Variants in NEXN observed in about 807,000 individuals in gnomAD.
The protein encoded by NEXN is nexilin F-actin binding protein.
NEXN carries 65 observed loss-of-function variants against 92.6 expected under a neutral mutation model. The observed-to-expected ratio is 0.70, with a 90% CI of 0.57 to 0.86. The LOEUF is 0.86. Among genes scored for constraint, NEXN ranks in the 40% least tolerant of loss-of-function variants. The pLI, the probability that NEXN is intolerant of heterozygous loss-of-function variation, is 0.00. For missense variants in NEXN, 778 were observed against 771.1 expected (o/e 1.01, Z -0.11); for synonymous variants, 254 against 242.5 (o/e 1.05, Z -0.44).
intron 1 of NEXN, among the ~76,000 whole-genome samples, chr1:77,897,440 C>A (rs1326245802): frequency 6.6e-6 from 1 of 152,164 alleles, no homozygotes; most frequent in East Asian, 1.9e-4. Context: ...GCAGAAAAGG[C>A]CTTTGACAAA....
At position 77,926,600 on chromosome 1, in the gene NEXN, T is replaced by C. The variant is rs1649864751; in HGVS notation, c.676T>C (p.Ser226Pro). Residue 226 changes from serine (S) to proline (P), a missense_variant, in exon 7 of 13, where the codon TCA becomes CCA. By Grantham distance (74) the Ser-to-Pro change is moderately conservative. Coordinates refer to ENST00000334785, the MANE Select transcript of NEXN (RefSeq NM_144573.4). The stretch of plus-strand genomic sequence containing the variant: ...ATCTCTCAAGGAAGCAAAGTGTCTT[T>C]CATTAGTTATGGTAAATTTTTGTTT... The part of the protein sequence containing the change: ...RPSLKEAKCL[S>P]LVMDDEIESE... 6.2e-7 allele frequency: 1 copy of C among 1,613,954 alleles called. No individual in the cohort carries two copies. Among genetic ancestry groups the C allele is most frequent in the Non-Finnish European group, 8.5e-7 (1 of 1,179,926 alleles).
In NEXN at chr1:77,911,739, TTA is replaced by T. The variant is rs34038877; in HGVS notation, c.-52-4295_-52-4294del. 0.041 allele frequency among the ~76,000 whole-genome samples: 6,042 copies of T among 148,286 alleles called. 687 individuals are homozygous for T. The East Asian group carries it at 0.49, about 12-fold the overall frequency. On this transcript the variant is annotated intron_variant, in intron 1 of 12. Coordinates refer to ENST00000334785, the MANE Select transcript of NEXN (RefSeq NM_144573.4). ...GGTCCTATCCCCAAGATAGCCTGTT[TTA>T]TATATATATATATATATATACACAT...
chr1:77,924,200 A>G (rs1412429977), intron 5 of NEXN: 1 of 172,934 alleles, frequency 5.8e-6, no homozygotes, highest in South Asian at 1.0e-4. Context: ...CATCTCTACT[A>G]AAAATACAGA....
At chr1:77,919,956 G>A (rs1487648276) in intron 5 of NEXN, among the ~76,000 whole-genome samples, 1 of 151,212 alleles carries the variant, frequency 6.6e-6, no homozygotes, top group African/African-American at 2.4e-5. Flanking sequence ...CTGGAGTGCA[G>A]TGGCAAAATC....
chr1:77,901,804 A>G (rs1374397957), intron 1 of NEXN, among the ~76,000 whole-genome samples: 1 of 152,134 alleles, frequency 6.6e-6, no homozygotes, highest in South Asian at 2.1e-4. Context: ...GTGTCTCACT[A>G]TGTTGCCCAA....
At position 77,890,117 on chromosome 1, in the gene NEXN, A is replaced by G. The variant is rs145494275; in HGVS notation, c.-53+1358A>G. 3.2e-4 allele frequency among the ~76,000 whole-genome samples: 49 copies of G among 152,282 alleles called. No individual in the cohort carries two copies. The East Asian group carries it at 9.1e-3, about 28-fold the overall frequency. ...GAAAGGTTTTTTGGGGGGAGGTATA[A>G]TTTGTATAAGTAAACTTTGATTAAC... On this transcript the variant is annotated intron_variant, in intron 1 of 12. Transcript: ENST00000334785.
rs780835869 is a variant in NEXN at position 77,926,648 on chromosome 1, C to G, written c.687+37C>G. The G allele has an allele frequency of 3.7e-6, 6 of 1,613,652 alleles. No homozygotes were observed. In the Admixed American group the frequency reaches 1.0e-4, roughly 27 times the overall value. On this transcript the variant is annotated intron_variant, in intron 7 of 12. Transcript: ENST00000334785. The stretch of plus-strand genomic sequence containing the variant: ...TTTGTTTGTTTTCTAAGAAACAAAT[C>G]AAGGCAGTTTAAGTTAGCAGCATTT...
rs549501538 is a variant in NEXN, at chr1:77,915,001, C to G, written c.-52-1054C>G. On this transcript the variant is annotated intron_variant, in intron 1 of 12. Transcript: ENST00000334785. ...AAGTAAATAGCTAGAAAATTATATA[C>G]CATGCAAACTGTAAACCTAAGAAAG... 1.7e-4 allele frequency among the ~76,000 whole-genome samples: 26 copies of G among 151,978 alleles called. No homozygotes were observed. The South Asian group carries it at 5.4e-3, about 32-fold the overall frequency.
intron 11 of NEXN, among the ~76,000 whole-genome samples, chr1:77,938,497 A>G (rs895513446): frequency 1.3e-5 from 2 of 151,894 alleles, no homozygotes; most frequent in Non-Finnish European, 2.9e-5. Context: ...AAAAATACAA[A>G]AATTAGCTGG....
chr1:77,900,337 A>G (rs901522452), intron 1 of NEXN, among the ~76,000 whole-genome samples: 2 of 152,168 alleles, frequency 1.3e-5, no homozygotes, highest in Non-Finnish European at 2.9e-5. Context: ...TTCCTTAACC[A>G]TACCATAGTC....
intron 5 of NEXN, among the ~76,000 whole-genome samples, chr1:77,923,003 C>CTTTT (rs753111389): frequency 2.1e-4 from 24 of 112,342 alleles, no homozygotes; most frequent in Non-Finnish European, 2.8e-4. Flanking sequence ...AATTGGGTGT[C>CTTTT]TTTTTTTTTT....
intron 9 of NEXN, among the ~76,000 whole-genome samples, chr1:77,929,877 C>T (rs1166702): frequency 0.89 from 136,055 of 152,164 alleles, 60,966 homozygotes; most frequent in Non-Finnish European, 0.92. Flanking sequence ...TACTCCCTTT[C>T]TCCCTCCTTC....
intron 1 of NEXN, among the ~76,000 whole-genome samples, chr1:77,901,390 A>G (rs1647696742): frequency 1.3e-5 from 2 of 152,194 alleles, no homozygotes; most frequent in South Asian, 2.1e-4. Flanking sequence ...GTTACTTTAA[A>G]TGACTTTATA....
chr1:77,921,113 A>G (rs1350389880), intron 5 of NEXN, among the ~76,000 whole-genome samples: 1 of 152,210 alleles, frequency 6.6e-6, no homozygotes, highest in African/African-American at 2.4e-5. Flanking sequence ...ATACTTTATT[A>G]TTTTACCATA....
chr1:77,905,560 T>C (rs1371549781), intron 1 of NEXN, among the ~76,000 whole-genome samples: 2 of 152,004 alleles, frequency 1.3e-5, no homozygotes, highest in Non-Finnish European at 2.9e-5. Flanking sequence ...GGTATGGTGG[T>C]GCAAGCCTGT....
At chr1:77,930,485 C>T (rs960449895) in intron 9 of NEXN, among the ~76,000 whole-genome samples, 1 of 152,162 alleles carries the variant, frequency 6.6e-6, no homozygotes, top group Non-Finnish European at 1.5e-5. Context: ...CCTGTAAGGC[C>T]AGGAGTGATC....
At chr1:77,902,433 G>T (rs1647796601) in intron 1 of NEXN, among the ~76,000 whole-genome samples, 1 of 144,546 alleles carries the variant, frequency 6.9e-6, no homozygotes, top group East Asian at 2.1e-4. Flanking sequence ...GAGAATAAAA[G>T]GCAAGAATTA....
chr1:77,925,867 AAAT>A (rs1404768834), intron 6 of NEXN, among the ~76,000 whole-genome samples: 1 of 151,996 alleles, frequency 6.6e-6, no homozygotes, highest in Admixed American at 6.5e-5. Flanking sequence ...AAAATGAATT[AAAT>A]AATAATTTTA....
intron 1 of NEXN, among the ~76,000 whole-genome samples, chr1:77,897,637 A>G (rs1333863823): frequency 6.6e-6 from 1 of 152,116 alleles, no homozygotes; most frequent in African/African-American, 2.4e-5. Flanking sequence ...CCTATTCAAC[A>G]TAGTGTTGGA....
Sources: gnomAD v4.1 joint callset for allele counts (sites outside exome capture counted in the v4.1 genomes callset) on GRCh38, gnomAD v4.1.1 for gene constraint, MANE v1.5 for transcripts, NCBI Gene and HGNC (gene_info 2026-07-23, HGNC 2026-07-21) for gene names.